Variants in CTSC observed in about 807,000 individuals in gnomAD.
CTSC encodes the protein dipeptidyl peptidase 1.
A neutral mutation model predicts 40.9 loss-of-function variants in CTSC; 37 were observed. The ratio of observed to expected loss-of-function variants is 0.91; its 90% CI spans 0.70 to 1.19. CTSC has a LOEUF of 1.19. Among genes scored for constraint, CTSC ranks in the 50% most tolerant of loss-of-function variants. CTSC has a pLI of 0.00. For missense variants in CTSC, 594 were observed against 567.3 expected (o/e 1.05, Z -0.48); for synonymous variants, 232 against 207.4 (o/e 1.12, Z -1.02).
At chr11:88,335,863 A>G (rs1057426675) in intron 1 of CTSC, among the ~76,000 whole-genome samples, 2 of 152,236 alleles carry the variant, frequency 1.3e-5, no homozygotes, top group Admixed American at 6.5e-5. Context: ...AAAATGATCT[A>G]TTCGGAGAAG....
Position 88,325,497 on chromosome 11 carries a change from T to G in CTSC, c.318+9440A>C, listed in dbSNP as rs1209076273. On this transcript the variant is annotated intron_variant, in intron 2 of 6. Coordinates refer to ENST00000227266, the MANE Select transcript of CTSC (RefSeq NM_001814.6). ...ATTTACTTATTTGTGAAATGGCTTT[T>G]TTCACTATTTAGCCCCAAGGAAGTC... 8.1e-6 allele frequency: 8 copies of G among 985,326 alleles called. No individual in the cohort carries two copies. The African/African-American group carries it at 1.4e-4, about 17-fold the overall frequency. The allele number at this position is 985,326 out of a possible 1,614,324, so 61.0% of individuals were successfully genotyped here. A position where few individuals can be genotyped will look rare whatever the true frequency, so the allele number is the denominator to read the frequency against.
rs1199462674 is a variant in CTSC at position 88,309,166 on chromosome 11, G to A, written c.638C>T (p.Pro213Leu). Reference sequence around the variant, plus strand: ...GATAAAATGTGTGCTTGATTACCTTGGGATTTTTCGACTGTGGCCACCACT... The same window carrying A: ...GATAAAATGTGTGCTTGATTACCTTAGGATTTTTCGACTGTGGCCACCACT... ...RRSGGHSRKI[P>L]RPKPAPLTAE... Residue 213 changes from proline to leucine, a missense_variant, in exon 4 of 7, where the codon CCA (proline) becomes CTA (leucine). Pro to Leu is a moderately conservative substitution (Grantham distance 98). Transcript: ENST00000227266. 1 of 1,613,464 alleles carries A rather than the reference G, an allele frequency of 6.2e-7. No individual in the cohort carries two copies. The highest frequency in any genetic ancestry group is 1.7e-5 in the Admixed American group (1 of 59,990).
At chr11:88,319,981 T>C (rs1175182898) in intron 2 of CTSC, among the ~76,000 whole-genome samples, 1 of 152,212 alleles carries the variant, frequency 6.6e-6, no homozygotes, top group African/African-American at 2.4e-5. Context: ...CCATTTGCTG[T>C]CAGAAAGGAA....
intron 2 of CTSC, chr11:88,326,376 CTT>C (rs760791243): frequency 6.4e-5 from 104 of 1,613,940 alleles, no homozygotes; most frequent in Non-Finnish European, 8.6e-5. Flanking sequence ...TGCTCTGTCT[CTT>C]AGCCCCAACG....
intron 1 of CTSC, 56 bp from the exon 2 acceptor site, chr11:88,335,138 G>T: frequency 8.8e-7 from 1 of 1,135,138 alleles, no homozygotes; most frequent in Non-Finnish European, 1.3e-6. Flanking sequence ...TTCAATAGGG[G>T]AAAGAATCCC....
At chr11:88,313,133 G>C (rs1456425547) in intron 2 of CTSC, among the ~76,000 whole-genome samples, 6 of 152,136 alleles carry the variant, frequency 3.9e-5, no homozygotes, top group Admixed American at 2.0e-4. Flanking sequence ...GCAGTGGTGT[G>C]ATCTTGGCTC....
rs572306851 is a variant in CTSC, at chr11:88,309,406, G to C, written c.486-88C>G. The C allele has an allele frequency of 1.5e-5, 17 of 1,109,000 alleles. No homozygotes were observed. The East Asian group carries it at 3.5e-4, about 23-fold the overall frequency. 68.7% of individuals were successfully genotyped at this position (1,109,000 alleles called of 1,614,324 possible). On this transcript the variant is annotated intron_variant, in intron 3 of 6. Transcript: ENST00000227266. Reference sequence around the variant, plus strand: ...ACAGGCATTCACACTCTGTGCCTAAGTGGAAAGTGGTACAATCTTTCAGGA... The same window carrying C: ...ACAGGCATTCACACTCTGTGCCTAACTGGAAAGTGGTACAATCTTTCAGGA...
chr11:88,335,047 T>G lies in CTSC; in HGVS notation c.208A>C (p.Lys70Gln), dbSNP rs773092949. Residue 70 changes from lysine to glutamine, a missense_variant, in exon 2 of 7, where the codon AAG becomes CAG. Transcript: ENST00000227266. The stretch of plus-strand genomic sequence containing the variant: ...AGGTCATCATATGCTGTATCCAGCT[T>G]CTGAAGGTACACCACTACTTTTTTT... ...QEKKVVVYLQ[K>Q]LDTAYDDLGN... 6.2e-7 allele frequency: 1 copy of G among 1,609,432 alleles called. No homozygotes were observed. Among genetic ancestry groups the G allele is most frequent in the South Asian group, 1.1e-5 (1 of 90,950 alleles).
chr11:88,301,808 G>GCACACACACACACA (rs796959607), intron 4 of CTSC, among the ~76,000 whole-genome samples: 2 of 119,364 alleles, frequency 1.7e-5, no homozygotes, highest in East Asian at 2.4e-4. Flanking sequence ...AAACACACGC[G>GCACACACACACACA]CGCACACACA....
chr11:88,313,531 T>C (rs1937813006), intron 2 of CTSC, among the ~76,000 whole-genome samples: 1 of 152,212 alleles, frequency 6.6e-6, no homozygotes, highest in Non-Finnish European at 1.5e-5. Context: ...TTTTAACAGA[T>C]CCAGGATTTG....
intron 5 of CTSC, chr11:88,297,325 C>G (rs907598608): frequency 6.6e-6 from 1 of 152,248 alleles, no homozygotes; most frequent in African/African-American, 2.4e-5. Context: ...GTACACTGAA[C>G]ATATAACTGT....
intron 4 of CTSC, among the ~76,000 whole-genome samples, chr11:88,304,052 T>G (rs1201329333): frequency 6.6e-6 from 1 of 152,034 alleles, no homozygotes; most frequent in Non-Finnish European, 1.5e-5. Context: ...ATGTGTTAAC[T>G]AGTTGTCTTG....
At chr11:88,320,959 C>G in intron 2 of CTSC, 1 of 984,824 alleles carries the variant, frequency 1.0e-6, no homozygotes, top group Non-Finnish European at 1.2e-6. Flanking sequence ...GGAATACAAA[C>G]AGGCAATTAT....
At chr11:88,320,166 C>G (rs1175506031) in intron 2 of CTSC, among the ~76,000 whole-genome samples, 1 of 152,102 alleles carries the variant, frequency 6.6e-6, no homozygotes, top group Admixed American at 6.6e-5. Flanking sequence ...TGCAAAACTG[C>G]CAGGAAATAG....
At chr11:88,332,935 A>C (rs548377452) in intron 2 of CTSC, among the ~76,000 whole-genome samples, 1 of 152,234 alleles carries the variant, frequency 6.6e-6, no homozygotes, top group Non-Finnish European at 1.5e-5. Flanking sequence ...TTGGGAACAC[A>C]TATAACTTTA....
intron 5 of CTSC, 66 bp from the exon 6 acceptor site, chr11:88,296,330 A>T (rs1944298706): frequency 6.3e-7 from 1 of 1,593,936 alleles, no homozygotes; most frequent in Non-Finnish European, 8.6e-7. Context: ...TCATGCAAAA[A>T]CCTTAGTGAA....
At chr11:88,296,001 A>G in intron 6 of CTSC, 132 bp downstream of exon 6, 3 of 937,914 alleles carry the variant, frequency 3.2e-6, no homozygotes, top group Non-Finnish European at 5.3e-6. Flanking sequence ...TGATAGGGCC[A>G]GACTTGCACT....
At chr11:88,327,844 C>CTGAA in intron 2 of CTSC, 1 of 473,212 alleles carries the variant, frequency 2.1e-6, no homozygotes, top group South Asian at 2.1e-5. Context: ...TTTCGGTTCA[C>CTGAA]GTCTACTTAG....
intron 2 of CTSC, among the ~76,000 whole-genome samples, chr11:88,314,685 G>C (rs1937837250): frequency 6.6e-6 from 1 of 152,080 alleles, no homozygotes; most frequent in Non-Finnish European, 1.5e-5. Context: ...GTGCTACCAG[G>C]CCTGGCTAAT....
Sources: allele counts gnomAD v4.1 joint callset (sites outside exome capture counted in the v4.1 genomes callset), GRCh38; gene constraint gnomAD v4.1.1; transcripts MANE v1.5; gene names NCBI Gene and HGNC (gene_info 2026-07-23, HGNC 2026-07-21).